Variants in CLCN5 observed in about 807,000 individuals in gnomAD.
CLCN5 encodes H(+)/Cl(-) exchange transporter 5.
A neutral mutation model predicts 54.0 loss-of-function variants in CLCN5; 17 were observed. The observed-to-expected ratio is 0.31, with a 90% CI of 0.22 to 0.47. CLCN5 has a LOEUF of 0.47. CLCN5 is among the 20% of genes least tolerant of loss of function. The probability of loss-of-function intolerance (pLI) is 1.00; values close to 1 mark genes in which losing one functional copy is unlikely to be tolerated. For synonymous variants in CLCN5, 222 were observed against 233.0 expected, an observed-to-expected ratio of 0.95 and a Z score of 0.43; for missense variants, 448 against 646.7, an observed-to-expected ratio of 0.69 and a Z score of 3.33.
chrX:50,063,509 A>G, intron 4 of CLCN5, among the ~76,000 whole-genome samples: 1 of 106,725 alleles, frequency 9.4e-6, no homozygotes, highest in African/African-American at 3.8e-5. Context: ...AAATTGTGGC[A>G]ATAATCAATA....
intron 3 of CLCN5, among the ~76,000 whole-genome samples, chrX:49,979,905 A>T (rs1338760612): frequency 9.0e-6 from 1 of 111,034 alleles, no homozygotes; most frequent in Non-Finnish European, 1.9e-5. Flanking sequence ...GAAATTTTGT[A>T]TCCTTTGACC....
intron 3 of CLCN5, among the ~76,000 whole-genome samples, chrX:50,007,280 CCAGCATATG>C (rs1930198905): frequency 9.0e-6 from 1 of 111,568 alleles, no homozygotes; most frequent in South Asian, 3.8e-4. Context: ...GGCTGGGTGC[CCAGCATATG>C]CAGACATGTG....
chrX:50,089,762 G>A (rs906412701), intron 12 of CLCN5, among the ~76,000 whole-genome samples: 1 of 111,734 alleles, frequency 8.9e-6, no homozygotes, highest in Admixed American at 9.5e-5. Flanking sequence ...GCACATGCCT[G>A]TAGTCTCAGC....
intron 4 of CLCN5, chrX:50,069,495 G>T: frequency 1.3e-6 from 1 of 763,318 alleles, no homozygotes; most frequent in Non-Finnish European, 1.6e-6. Context: ...AATGTAAAAT[G>T]GTTCTTGATG....
At chrX:50,061,951 A>T in intron 4 of CLCN5, among the ~76,000 whole-genome samples, 1 of 76,171 alleles carries the variant, frequency 1.3e-5, no homozygotes, top group East Asian at 4.1e-4. Context: ...ACAGACAAGC[A>T]AATGCTGACC....
chrX:50,080,452 A>G, intron 7 of CLCN5, 142 bp from the exon 8 acceptor site: 1 of 556,904 alleles, frequency 1.8e-6, no homozygotes, highest in Non-Finnish European at 2.8e-6. Context: ...GACAATTCAG[A>G]AAGAAAAGTC....
At chrX:50,029,096 G>T (rs1037562800) in intron 3 of CLCN5, among the ~76,000 whole-genome samples, 1 of 111,735 alleles carries the variant, frequency 8.9e-6, no homozygotes, top group East Asian at 2.8e-4. Flanking sequence ...CCTTATATTT[G>T]TGTTGCTTCT....
At chrX:50,001,559 G>T (rs1602031435) in intron 3 of CLCN5, among the ~76,000 whole-genome samples, 2 of 107,228 alleles carry the variant, frequency 1.9e-5, no homozygotes, top group African/African-American at 6.8e-5. Flanking sequence ...TTGGTGTGCT[G>T]CACCCGTTAA....
intron 3 of CLCN5, among the ~76,000 whole-genome samples, chrX:49,984,771 C>T (rs1379695651): frequency 9.1e-6 from 1 of 110,172 alleles, no homozygotes; most frequent in East Asian, 2.8e-4. Context: ...TGCACCACCA[C>T]ACTCAACTAT....
chrX:50,031,857 T>C (rs1454663226), intron 3 of CLCN5, among the ~76,000 whole-genome samples: 1 of 93,019 alleles, frequency 1.1e-5, no homozygotes, highest in Non-Finnish European at 2.2e-5. Context: ...TTCCTAATGC[T>C]ATCCCTCCCC....
intron 3 of CLCN5, among the ~76,000 whole-genome samples, chrX:49,990,733 CA>C (rs782534943): frequency 5.9e-4 from 66 of 112,363 alleles, no homozygotes; most frequent in African/African-American, 2.0e-3. Flanking sequence ...CCACCACACC[CA>C]GCCATTATAT....
chrX:49,966,251 TGTA>T (rs1276634046), intron 3 of CLCN5, among the ~76,000 whole-genome samples: 1 of 111,913 alleles, frequency 8.9e-6, no homozygotes, highest in Non-Finnish European at 1.9e-5. Context: ...TTTTAATAGA[TGTA>T]GTATATTCAA....
At chrX:50,007,422 TCTC>T (rs1569538568) in intron 3 of CLCN5, among the ~76,000 whole-genome samples, 16 of 97,345 alleles carry the variant, frequency 1.6e-4, no homozygotes, top group African/African-American at 7.5e-4. Context: ...TCTCTCTCTC[TCTC>T]TCTCTCTCTC....
intron 4 of CLCN5, among the ~76,000 whole-genome samples, chrX:50,060,538 G>A (rs1932838069): frequency 9.3e-6 from 1 of 107,718 alleles, no homozygotes; most frequent in Non-Finnish European, 1.9e-5. Context: ...TGCTAGCACA[G>A]CAGTCTGAGA....
Position 50,088,827 on chromosome X carries a change from G to A in CLCN5, c.1687G>A (p.Gly563Arg). 8.3e-7 allele frequency: 1 copy of A among 1,211,610 alleles called. No homozygotes were observed. The highest frequency in any genetic ancestry group is 1.1e-6 in the Non-Finnish European group (1 of 895,373). Residue 563 changes from glycine to arginine, a missense_variant, in exon 12 of 15, where the codon GGA (glycine) becomes AGA (arginine). Physicochemically the swap from Gly to Arg is moderately radical, Grantham distance 125. Around this residue, in one of 5 missense-constraint regions of CLCN5, gnomAD observed 297 missense variants for 470.4 expected, o/e 0.63. Coordinates refer to ENST00000376091, the MANE Select transcript of CLCN5 (RefSeq NM_001127898.4). ...CGTCTTCAATAGCTGGTGTAGTCAG[G>A]GAGCTGATTGCATCACCCCCGGCCT... ...WTVFNSWCSQGADCITPGLYA... is the reference protein window; with the variant it reads ...WTVFNSWCSQRADCITPGLYA...
At chrX:50,085,890 A>G in intron 9 of CLCN5, 90 bp from the exon 10 acceptor site, 1 of 749,598 alleles carries the variant, frequency 1.3e-6, no homozygotes, top group Non-Finnish European at 2.1e-6. Flanking sequence ...TTAAATGTTC[A>G]GTAACTACTA....
At chrX:49,947,233 T>TA (rs782478233) in intron 3 of CLCN5, among the ~76,000 whole-genome samples, 1 of 111,874 alleles carries the variant, frequency 8.9e-6, no homozygotes, top group East Asian at 2.8e-4. Flanking sequence ...TTCATCTACT[T>TA]ACAAAGATAA....
chrX:49,937,580 G>A (rs532420784), intron 3 of CLCN5, among the ~76,000 whole-genome samples: 5 of 111,851 alleles, frequency 4.5e-5, no homozygotes, highest in Middle Eastern at 4.7e-3. Flanking sequence ...TTGTTAAAGC[G>A]TAATGCTAAG....
At position 49,951,699 on chromosome X, in the gene CLCN5, A is replaced by G. The variant is rs1927048364; in HGVS notation, c.16+26385A>G. On this transcript the variant is annotated intron_variant, in intron 3 of 14. Coordinates refer to ENST00000376091, the MANE Select transcript of CLCN5 (RefSeq NM_001127898.4). ...AGGTGACATTTGAGCTGGTTGGAGA[A>G]AGATGGATAGGATTTCAGTAGAGGT... 3.6e-5 allele frequency among the ~76,000 whole-genome samples: 4 copies of G among 112,038 alleles called. No individual in the cohort carries two copies. In the Admixed American group the frequency reaches 3.8e-4, roughly 11 times the overall value.
Sources: gnomAD v4.1 joint callset for allele counts (sites outside exome capture counted in the v4.1 genomes callset) on GRCh38, gnomAD v4.1.1 for gene constraint, gnomAD v4.1.1 regional missense constraint, MANE v1.5 for transcripts, NCBI Gene and HGNC (gene_info 2026-07-23, HGNC 2026-07-21) for gene names.